MGAT4A: variants seen among roughly 807,000 people sequenced by gnomAD.
MGAT4A encodes alpha-1,3-mannosyl-glycoprotein 4-beta-N-acetylglucosaminyltransferase A, also known as N-acetylglucosaminyltransferase IVa.
MGAT4A carries 33 observed loss-of-function variants against 74.1 expected under a neutral mutation model. That is an observed-to-expected ratio of 0.45 (90% confidence interval 0.34 to 0.60). The LOEUF (loss-of-function observed/expected upper bound fraction) is 0.60, where lower values mean the gene tolerates loss of function less well. Among genes scored for constraint, MGAT4A ranks in the 20% least tolerant of loss-of-function variants. MGAT4A has a pLI of 0.02. For missense variants in MGAT4A, 479 were observed against 628.3 expected (o/e 0.76, Z 2.54); for synonymous variants, 198 against 210.4 (o/e 0.94, Z 0.51).
chr2:98,635,988 AAAAATAAAATAAAAT>A (rs201089786), intron 13 of MGAT4A, among the ~76,000 whole-genome samples: 15 of 140,660 alleles, frequency 1.1e-4, no homozygotes, highest in South Asian at 4.6e-4. Context: ...TCTGTCTCAA[AAAAATAAAATAAAAT>A]AAAATAAAAT....
intron 14 of MGAT4A, among the ~76,000 whole-genome samples, chr2:98,634,909 T>C (rs2104224989): frequency 6.6e-6 from 1 of 152,060 alleles, no homozygotes; most frequent in South Asian, 2.1e-4. Context: ...GATTCTGGCC[T>C]GTCAATGTGA....
intron 8 of MGAT4A, among the ~76,000 whole-genome samples, chr2:98,648,255 T>C (rs559773465): frequency 2.7e-4 from 41 of 152,302 alleles, no homozygotes; most frequent in Non-Finnish European, 3.7e-4. Flanking sequence ...TCCCAGCACT[T>C]TGTGAGGCTG....
chr2:98,686,592 G>C (rs2104298262), intron 2 of MGAT4A, among the ~76,000 whole-genome samples: 1 of 151,850 alleles, frequency 6.6e-6, no homozygotes. Flanking sequence ...TGCCACCCAG[G>C]CTGGAGTGCA....
intron 6 of MGAT4A, among the ~76,000 whole-genome samples, chr2:98,657,425 C>A (rs953456656): frequency 8.5e-5 from 13 of 152,104 alleles, no homozygotes; most frequent in African/African-American, 3.1e-4. Context: ...GAAGTCTATG[C>A]CAAATTTTGT....
rs758147797 is a variant in MGAT4A at position 98,655,459 on chromosome 2, T to C, written c.760A>G (p.Ile254Val). ...FLMMYAQEKG[I>V]YYIQLEDDII... ...ACTACACTTACCTGAATGTAATATATGCCCTTTTCTTGAGCATACATCATT... is the reference window on the plus strand; with the variant it reads ...ACTACACTTACCTGAATGTAATATACGCCCTTTTCTTGAGCATACATCATT... Residue 254 changes from isoleucine (I) to valine (V), a missense_variant, in exon 8 of 16, where the codon ATA (isoleucine) becomes GTA (valine). This residue lies in a region of MGAT4A where 38 missense variants were observed against 87.4 expected (regional missense o/e 0.43). Coordinates refer to ENST00000393487, the MANE Select transcript of MGAT4A (RefSeq NM_012214.3). The C allele has an allele frequency of 6.2e-7, 1 of 1,606,814 alleles. No homozygotes were observed. Among genetic ancestry groups the C allele is most frequent in the Non-Finnish European group, 8.5e-7 (1 of 1,175,502 alleles).
intron 3 of MGAT4A, among the ~76,000 whole-genome samples, chr2:98,675,551 C>CTTTT (rs143576109): frequency 1.4e-5 from 2 of 144,168 alleles, no homozygotes; most frequent in Non-Finnish European, 3.0e-5. Flanking sequence ...CTTCCATTTT[C>CTTTT]TTTTTTTTTT....
intron 14 of MGAT4A, among the ~76,000 whole-genome samples, chr2:98,634,320 C>T (rs1701286473): frequency 6.6e-6 from 1 of 152,090 alleles, no homozygotes; most frequent in African/African-American, 2.4e-5. Context: ...GGTGCAAAAG[C>T]ATTTATTAGA....
rs1441520588 is a variant in MGAT4A at position 98,726,343 on chromosome 2, CAT to C, written c.-13_-12del. ...ATTGCGGAGCCTCATCTCATTTCAC[CAT>C]CACACTGGTCCATATGTTTATGATG... On this transcript the variant is annotated 5_prime_UTR_variant, in exon 2 of 16. An upstream start codon of the reference 5' UTR is lost. Transcript: ENST00000393487. 4 of 1,608,866 alleles carry C rather than the reference CAT, an allele frequency of 2.5e-6. No homozygotes were observed. The highest frequency in any genetic ancestry group is 2.2e-5 in the South Asian group (2 of 90,914).
Position 98,620,179 on chromosome 2 carries a change from C to T in MGAT4A, c.*5387G>A, listed in dbSNP as rs1417820673. 6.6e-6 allele frequency: 1 copy of T among 152,102 alleles called. No individual in the cohort carries two copies. The highest frequency in any genetic ancestry group is 1.9e-4 in the East Asian group (1 of 5,196). 9.4% of individuals were successfully genotyped at this position (152,102 alleles called of 1,614,324 possible). A position where few individuals can be genotyped will look rare whatever the true frequency, so the allele number is the denominator to read the frequency against. On this transcript the variant is annotated 3_prime_UTR_variant, in exon 16 of 16. Coordinates refer to ENST00000393487, the MANE Select transcript of MGAT4A (RefSeq NM_012214.3). ...AACAAAATCCTCAGTTTGGTTGGGT[C>T]TTTAAAAAATACCTTTTTAGCATTG...
intron 2 of MGAT4A, among the ~76,000 whole-genome samples, chr2:98,686,580 T>C (rs1702134752): frequency 1.3e-5 from 2 of 151,746 alleles, no homozygotes; most frequent in Non-Finnish European, 2.9e-5. Context: ...AGAGTCTCGC[T>C]CTGCCACCCA....
chr2:98,691,644 G>T (rs1702195863), intron 2 of MGAT4A, among the ~76,000 whole-genome samples: 1 of 152,172 alleles, frequency 6.6e-6, no homozygotes, highest in Non-Finnish European at 1.5e-5. Flanking sequence ...ACTGTTACTG[G>T]TTTATGTATT....
At chr2:98,646,110 G>C (rs2104244098) in intron 8 of MGAT4A, among the ~76,000 whole-genome samples, 1 of 152,094 alleles carries the variant, frequency 6.6e-6, no homozygotes, top group African/African-American at 2.4e-5. Flanking sequence ...GTAAAAATTT[G>C]AAAAGCTAAG....
chr2:98,644,813 T>G (rs2104242356), intron 9 of MGAT4A, among the ~76,000 whole-genome samples: 1 of 152,288 alleles, frequency 6.6e-6, no homozygotes, highest in Admixed American at 6.5e-5. Context: ...TTTGTATTTT[T>G]AGTAGAGACA....
chr2:98,710,765 T>C (rs1702504188), intron 2 of MGAT4A, among the ~76,000 whole-genome samples: 1 of 152,214 alleles, frequency 6.6e-6, no homozygotes, highest in South Asian at 2.1e-4. Context: ...CCCAGTAATT[T>C]TTTTCTGAAT....
At chr2:98,689,359 A>C (rs1160173280) in intron 2 of MGAT4A, among the ~76,000 whole-genome samples, 1 of 152,226 alleles carries the variant, frequency 6.6e-6, no homozygotes, top group Non-Finnish European at 1.5e-5. Flanking sequence ...AGACTCTAAT[A>C]ATGGTGGTGA....
chr2:98,684,030 G>A (rs979043389), intron 2 of MGAT4A, among the ~76,000 whole-genome samples: 5 of 152,060 alleles, frequency 3.3e-5, no homozygotes, highest in Non-Finnish European at 5.9e-5. Flanking sequence ...ACAACAACAG[G>A]GCAACTTCAT....
At chr2:98,683,650 G>T (rs147427197) in intron 2 of MGAT4A, among the ~76,000 whole-genome samples, 1 of 152,200 alleles carries the variant, frequency 6.6e-6, no homozygotes, top group Admixed American at 6.5e-5. Context: ...AGGGATAGGA[G>T]TCTGAGGGCA....
chr2:98,705,948 CAAAAAAAAA>C (rs35710005), intron 2 of MGAT4A, among the ~76,000 whole-genome samples: 1 of 47,510 alleles, frequency 2.1e-5, no homozygotes, highest in African/African-American at 8.7e-5. Flanking sequence ...GACTCCGTCT[CAAAAAAAAA>C]AAAAAAAAAA....
At chr2:98,688,119 C>T (rs973206641) in intron 2 of MGAT4A, among the ~76,000 whole-genome samples, 3 of 152,114 alleles carry the variant, frequency 2.0e-5, no homozygotes, top group African/African-American at 7.2e-5. Flanking sequence ...CACCAAGGTC[C>T]GCCGCACCCA....
Sources: allele counts gnomAD v4.1 joint callset (sites outside exome capture counted in the v4.1 genomes callset), GRCh38; gene constraint gnomAD v4.1.1; regional missense constraint gnomAD v4.1.1; transcripts MANE v1.5; gene names NCBI Gene and HGNC (gene_info 2026-07-23, HGNC 2026-07-21).